The following HACL1 variants were observed in gnomAD, a reference collection of about 807,000 sequenced individuals.
HACL1 encodes 1600020H07Rik.
Under a neutral mutation model 74.2 loss-of-function variants are expected in HACL1, and 64 were observed. The ratio of observed to expected loss-of-function variants is 0.86; its 90% CI spans 0.70 to 1.06. The LOEUF (loss-of-function observed/expected upper bound fraction) is 1.06. Ranked by LOEUF, HACL1 falls within the 50% of genes least tolerant of loss-of-function variation. HACL1 has a pLI of 0.00. For synonymous variants in HACL1, 230 were observed against 238.8 expected, an observed-to-expected ratio of 0.96 and a Z score of 0.34; for missense variants, 728 against 719.7, an observed-to-expected ratio of 1.01 and a Z score of -0.13.
intron 16 of HACL1, among the ~76,000 whole-genome samples, chr3:15,562,704 C>G (rs2063363696): frequency 6.6e-6 from 1 of 152,188 alleles, no homozygotes; most frequent in Non-Finnish European, 1.5e-5. Flanking sequence ...GCAACTTACT[C>G]TGGGATAGGA....
intron 2 of HACL1, 119 bp from the exon 3 acceptor site, chr3:15,596,543 T>C (rs760749091): frequency 2.6e-5 from 17 of 645,760 alleles, no homozygotes; most frequent in Non-Finnish European, 4.5e-5. Context: ...TTAAAATATT[T>C]CCAACCTTAG....
intron 10 of HACL1, 51 bp from the exon 11 acceptor site, chr3:15,573,293 T>C (rs2063569489): frequency 4.9e-6 from 5 of 1,021,384 alleles, no homozygotes; most frequent in Middle Eastern, 2.0e-4. Context: ...CTGAAAAATA[T>C]GTAAGAAGGC....
intron 2 of HACL1, among the ~76,000 whole-genome samples, chr3:15,597,738 A>C (rs2064094778): frequency 6.6e-6 from 1 of 151,468 alleles, no homozygotes; most frequent in South Asian, 2.1e-4. Flanking sequence ...CTGTGTCGCT[A>C]TTCTCTACTG....
rs869072841 is a variant in HACL1 at position 15,571,829 on chromosome 3, C to CTTT, written c.994-63_994-61dup. ...TAAACTTTTTCTTTGCCTTTTTTTTCTTTTTTTTTTTTTTTTTTTTTTTTT... is the reference window on the plus strand; with the variant it reads ...TAAACTTTTTCTTTGCCTTTTTTTTCTTTTTTTTTTTTTTTTTTTTTTTTTTTT... On this transcript the variant is annotated intron_variant, in intron 11 of 16. Transcript: ENST00000321169. 386 of 225,956 alleles carry CTTT rather than the reference C, an allele frequency of 1.7e-3. 1 individual carries two copies. Among genetic ancestry groups the CTTT allele is most frequent in the South Asian group, 2.0e-3 (66 of 33,504 alleles). The allele number at this position is 225,956 out of a possible 1,614,324, so 14.0% of individuals were successfully genotyped here.
intron 8 of HACL1, among the ~76,000 whole-genome samples, chr3:15,580,512 A>T (rs1021538270): frequency 1.3e-5 from 2 of 152,210 alleles, no homozygotes; most frequent in African/African-American, 4.8e-5. Flanking sequence ...TGCTTAACAA[A>T]GTAAGAGTTC....
intron 6 of HACL1, among the ~76,000 whole-genome samples, chr3:15,585,702 T>A (rs540805155): frequency 2.0e-5 from 3 of 152,352 alleles, no homozygotes; most frequent in East Asian, 1.9e-4. Flanking sequence ...GAAACTGTGA[T>A]GCTGTTACAC....
At chr3:15,593,101 A>G (rs1005708487) in intron 3 of HACL1, among the ~76,000 whole-genome samples, 1 of 145,868 alleles carries the variant, frequency 6.9e-6, no homozygotes, top group Non-Finnish European at 1.5e-5. Context: ...ATATACATAT[A>G]TGTGTGTGTA....
rs770099596 is a variant in HACL1 at position 15,571,771 on chromosome 3, T to TGA, written c.994-3_994-2insTC. ...TGTTTTATCAAGTTCCTCTAAAAGC[T>TGA]TAAAAAAAAAAAAACACACACACAC... On this transcript the variant is annotated splice_region_variant and splice_polypyrimidine_tract_variant and intron_variant, in intron 11 of 16. Transcript: ENST00000321169. The TGA allele has an allele frequency of 4.6e-5, 45 of 982,722 alleles. No homozygotes were observed. The highest frequency in any genetic ancestry group is 2.7e-4 in the East Asian group (7 of 26,322). The allele number at this position is 982,722 out of a possible 1,614,324, so 60.9% of individuals were successfully genotyped here. A position where few individuals can be genotyped will look rare whatever the true frequency, so the allele number is the denominator to read the frequency against.
At chr3:15,582,540 G>A (rs2063731595) in intron 8 of HACL1, among the ~76,000 whole-genome samples, 1 of 152,132 alleles carries the variant, frequency 6.6e-6, no homozygotes, top group Non-Finnish European at 1.5e-5. Context: ...CATAATCTAT[G>A]TGTAAAAAGG....
At position 15,573,382 on chromosome 3, in the gene HACL1, A is replaced by C. The variant is rs1246373504; in HGVS notation, c.910-140T>G. On this transcript the variant is annotated intron_variant, in intron 10 of 16. Coordinates refer to ENST00000321169, the MANE Select transcript of HACL1 (RefSeq NM_012260.4). ...TGATATTCAGAAGTTCCTTAATAAAAAAAGTAAAAGTCCATAGAACTATAT... is the reference window on the plus strand; with the variant it reads ...TGATATTCAGAAGTTCCTTAATAAACAAAGTAAAAGTCCATAGAACTATAT... 5.0e-6 allele frequency: 3 copies of C among 599,122 alleles called. No homozygotes were observed. In the African/African-American group the frequency reaches 5.6e-5, roughly 11 times the overall value. 37.1% of individuals were successfully genotyped at this position (599,122 alleles called of 1,614,324 possible). A position where few individuals can be genotyped will look rare whatever the true frequency, so the allele number is the denominator to read the frequency against.
intron 8 of HACL1, among the ~76,000 whole-genome samples, chr3:15,582,265 C>A (rs2063727032): frequency 6.6e-6 from 1 of 152,150 alleles, no homozygotes; most frequent in Admixed American, 6.5e-5. Flanking sequence ...CACTAAAAGT[C>A]TTAAAAATAC....
intron 3 of HACL1, among the ~76,000 whole-genome samples, chr3:15,594,804 G>A (rs2064026054): frequency 6.6e-6 from 1 of 152,200 alleles, no homozygotes; most frequent in Admixed American, 6.5e-5. Flanking sequence ...TGCAGCTCCA[G>A]AAGTTCATTC....
At position 15,593,711 on chromosome 3, in the gene HACL1, T is replaced by G. The variant is rs1306230800; in HGVS notation, c.228-2031A>C. On this transcript the variant is annotated intron_variant, in intron 3 of 16. Coordinates refer to ENST00000321169, the MANE Select transcript of HACL1 (RefSeq NM_012260.4). ...GGTTTTTTTTTCATTTCTTAACAAA[T>G]AAATATAACGTCGACTGATCTTTGA... Among the ~76,000 whole-genome samples, 3 of 151,542 alleles carry G rather than the reference T, an allele frequency of 2.0e-5. No individual in the cohort carries two copies. In the East Asian group the frequency reaches 5.8e-4, roughly 29 times the overall value.
chr3:15,571,548 T>C, intron 12 of HACL1, 120 bp downstream of exon 12: 1 of 711,228 alleles, frequency 1.4e-6, no homozygotes, highest in Non-Finnish European at 2.5e-6. Context: ...AGACCTGGGG[T>C]TTTCACTGCA....
intron 2 of HACL1, among the ~76,000 whole-genome samples, chr3:15,600,638 C>T (rs2064194594): frequency 6.6e-6 from 1 of 152,324 alleles, no homozygotes. Flanking sequence ...CCTTGGCCTT[C>T]ACTCATTTAT....
At chr3:15,582,468 AAAT>A (rs1465007262) in intron 8 of HACL1, among the ~76,000 whole-genome samples, 1 of 152,208 alleles carries the variant, frequency 6.6e-6, no homozygotes, top group Non-Finnish European at 1.5e-5. Context: ...TTAAGATGAA[AAAT>A]ATTATAATCT....
chr3:15,561,673 A>AGAT (rs759512102), intron 16 of HACL1, among the ~76,000 whole-genome samples: 34 of 152,122 alleles, frequency 2.2e-4, no homozygotes, highest in Admixed American at 3.9e-4. Flanking sequence ...ATAGGTCTCA[A>AGAT]GATGATGATG....
intron 12 of HACL1, among the ~76,000 whole-genome samples, chr3:15,569,726 A>G (rs2063492451): frequency 6.6e-6 from 1 of 152,038 alleles, no homozygotes; most frequent in Non-Finnish European, 1.5e-5. Context: ...ATGCTGAGGC[A>G]GGAGAATTGC....
In HACL1 at chr3:15,589,613, C is replaced by T. The variant is rs746344741; in HGVS notation, c.309-1G>A. On this transcript the variant is annotated splice_acceptor_variant, in intron 4 of 16. Coordinates refer to ENST00000321169, the MANE Select transcript of HACL1 (RefSeq NM_012260.4). LOFTEE classifies it high-confidence loss of function. ...GGAACCACCAATCACAAGCAAGGGC[C>T]TGAAACAATCATTTTTTTAACAAGA... The T allele has an allele frequency of 6.3e-7, 1 of 1,591,408 alleles. No individual in the cohort carries two copies. Among genetic ancestry groups the T allele is most frequent in the Non-Finnish European group, 8.6e-7 (1 of 1,160,244 alleles).
Sources: allele counts gnomAD v4.1 joint callset (sites outside exome capture counted in the v4.1 genomes callset), GRCh38; gene constraint gnomAD v4.1.1; transcripts MANE v1.5; gene names NCBI Gene and HGNC (gene_info 2026-07-23, HGNC 2026-07-21).